The following IL17RA variants were observed in gnomAD, a reference collection of about 807,000 sequenced individuals.
The protein encoded by IL17RA is interleukin 17 receptor A.
In IL17RA, 34 loss-of-function variants were observed where a neutral mutation model predicts 50.4. The ratio of observed to expected loss-of-function variants is 0.67; its 90% CI spans 0.51 to 0.90. IL17RA has a LOEUF of 0.90. Among genes scored for constraint, IL17RA ranks in the 40% least tolerant of loss-of-function variants. IL17RA has a pLI of 0.00. For synonymous variants in IL17RA, 585 were observed against 510.4 expected, an observed-to-expected ratio of 1.15 and a Z score of -1.97; for missense variants, 1,276 against 1,169.8, an observed-to-expected ratio of 1.09 and a Z score of -1.32.
intron 11 of IL17RA, among the ~76,000 whole-genome samples, chr22:17,106,772 G>T (rs1267153811): frequency 6.6e-6 from 1 of 152,206 alleles, no homozygotes; most frequent in African/African-American, 2.4e-5. Context: ...AGGCATGGGA[G>T]GACCTATGGG....
intron 7 of IL17RA, 105 bp downstream of exon 7, chr22:17,102,407 C>T (rs1354000965): frequency 3.4e-5 from 42 of 1,227,492 alleles, no homozygotes; most frequent in Middle Eastern, 2.3e-4. Context: ...TAGAAGCTCG[C>T]GACTCAGGGC....
chr22:17,094,587 G>T (rs549658083), intron 1 of IL17RA, among the ~76,000 whole-genome samples: 1 of 142,514 alleles, frequency 7.0e-6, no homozygotes, highest in African/African-American at 2.6e-5. Flanking sequence ...CTGCTTGTGT[G>T]CCCTTTGCCC....
intron 1 of IL17RA, among the ~76,000 whole-genome samples, chr22:17,088,589 G>A (rs187676797): frequency 1.3e-5 from 2 of 151,942 alleles, no homozygotes; most frequent in Admixed American, 6.6e-5. Flanking sequence ...AGGTTTGAGC[G>A]ATTCTTCTGC....
chr22:17,098,639 C>G (rs2061377651), intron 3 of IL17RA, 136 bp from the exon 4 acceptor site: 1 of 725,868 alleles, frequency 1.4e-6, no homozygotes, highest in Admixed American at 2.0e-5. Context: ...CTGAAAGGAA[C>G]AGGATGTGGA....
At chr22:17,092,556 A>G (rs546214192) in intron 1 of IL17RA, among the ~76,000 whole-genome samples, 1 of 152,176 alleles carries the variant, frequency 6.6e-6, no homozygotes, top group African/African-American at 2.4e-5. Flanking sequence ...CTGCTGCCGA[A>G]TTGATTGCTT....
intron 8 of IL17RA, among the ~76,000 whole-genome samples, chr22:17,103,787 A>AGT (rs72290119): frequency 1.6e-5 from 2 of 128,054 alleles, no homozygotes; most frequent in South Asian, 2.6e-4. Context: ...ACAGGTGGAG[A>AGT]GTGGTGTGGA....
chr22:17,098,074 C>T (rs564517857), intron 3 of IL17RA, 131 bp downstream of exon 3: 158 of 1,038,192 alleles, frequency 1.5e-4, no homozygotes, highest in Middle Eastern at 2.2e-4. Context: ...TATAAGGATC[C>T]GTCATTTCAT....
chr22:17,092,401 G>A (rs991489915), intron 1 of IL17RA, among the ~76,000 whole-genome samples: 7 of 152,182 alleles, frequency 4.6e-5, no homozygotes, highest in East Asian at 1.9e-4. Context: ...CGTTGAACCC[G>A]GTTGGTCTTA....
intron 9 of IL17RA, among the ~76,000 whole-genome samples, chr22:17,105,194 C>T (rs533534367): frequency 1.3e-5 from 2 of 152,200 alleles, no homozygotes; most frequent in East Asian, 3.9e-4. Context: ...GTAGAGGATC[C>T]CCCCACCCCA....
chr22:17,103,618 G>A, intron 8 of IL17RA, 41 bp downstream of exon 8: 6 of 1,503,908 alleles, frequency 4.0e-6, no homozygotes, highest in Non-Finnish European at 5.5e-6. Flanking sequence ...GAGCAAAACA[G>A]GTGGCAATTA....
At chr22:17,108,083 C>T (rs558738329) in intron 12 of IL17RA, among the ~76,000 whole-genome samples, 2 of 152,328 alleles carry the variant, frequency 1.3e-5, no homozygotes, top group Admixed American at 1.3e-4. Context: ...CAGCTAGGAA[C>T]GTTGAGAGAT....
rs2061413372 is a variant in IL17RA, at chr22:17,105,972, G to A, written c.1045+18G>A. 6.2e-7 allele frequency: 1 copy of A among 1,602,862 alleles called. No individual in the cohort carries two copies. The highest frequency in any genetic ancestry group is 8.5e-7 in the Non-Finnish European group (1 of 1,170,460). ...GCTAGCTGGTAAGCGCTGGGGCTCT[G>A]GCTGTCCTGGAGTCAGGCTCTAATA... On this transcript the variant is annotated intron_variant, in intron 11 of 12. Transcript: ENST00000319363.
In IL17RA at chr22:17,108,451, C is replaced by T. The variant is rs151166583; in HGVS notation, c.1232C>T (p.Ala411Val). ...CTCACCGCCTGCGGCACGGAAGTGG[C>T]CCTGGACCTGCTGGAAGAGCAGGCC... is the stretch of plus-strand genomic sequence containing the variant. ...FLLTACGTEVALDLLEEQAIS... is the reference protein window; with the variant it reads ...FLLTACGTEVVLDLLEEQAIS... The change falls in exon 13 of 13, where the codon GCC becomes GTC. Residue 411 changes from alanine to valine, a missense_variant. Physicochemically the swap from Ala to Val is moderately conservative, Grantham distance 64. Transcript: ENST00000319363. 193 of 1,613,898 alleles carry T rather than the reference C, an allele frequency of 1.2e-4. 1 individual carries two copies. In the African/African-American group the frequency reaches 2.3e-3, roughly 19 times the overall value.
chr22:17,097,885 C>T lies in IL17RA; in HGVS notation c.252C>T (p.His84=), dbSNP rs761062684. 4 of 1,614,240 alleles carry T rather than the reference C, an allele frequency of 2.5e-6. No individual in the cohort carries two copies. The highest frequency in any genetic ancestry group is 2.2e-5 in the South Asian group (2 of 91,088). The part of the protein sequence containing the change: ...KDLQIQLHFA[H]TQQGDLFPVA... ...TGCAGATCCAGCTGCACTTTGCCCA[C>T]ACCCAACAAGGAGACCTGTTCCCCG... is the stretch of plus-strand genomic sequence containing the variant. The change falls in exon 3 of 13, where the codon CAC becomes CAT. Residue 84 remains histidine (H), a synonymous_variant. Coordinates refer to ENST00000319363, the MANE Select transcript of IL17RA (RefSeq NM_014339.7).
intron 1 of IL17RA, among the ~76,000 whole-genome samples, chr22:17,085,587 A>T (rs13058155): frequency 6.6e-6 from 1 of 152,104 alleles, no homozygotes; most frequent in East Asian, 1.9e-4. Flanking sequence ...GCCAGGGCTG[A>T]TAGAAAGGGG....
intron 1 of IL17RA, among the ~76,000 whole-genome samples, chr22:17,093,235 G>A (rs767478603): frequency 9.2e-5 from 14 of 152,164 alleles, no homozygotes; most frequent in Non-Finnish European, 1.2e-4. Flanking sequence ...ATTGAACATT[G>A]GACTTCACTG....
chr22:17,101,845 G>A (rs2061392518), intron 5 of IL17RA, 151 bp from the exon 6 acceptor site: 1 of 873,088 alleles, frequency 1.1e-6, no homozygotes, highest in Admixed American at 2.0e-5. Context: ...CCCATGCCAA[G>A]GTGGGTCCAG....
chr22:17,088,334 A>G (rs2061335428), intron 1 of IL17RA, among the ~76,000 whole-genome samples: 1 of 150,786 alleles, frequency 6.6e-6, no homozygotes, highest in Admixed American at 6.6e-5. Context: ...ATTTATTTAT[A>G]TTTTGAGAGA....
At chr22:17,107,191 G>A (rs1180981962) in intron 11 of IL17RA, among the ~76,000 whole-genome samples, 2 of 152,152 alleles carry the variant, frequency 1.3e-5, no homozygotes, top group Non-Finnish European at 2.9e-5. Flanking sequence ...CAGCCTGGTG[G>A]GGCTGCTTCT....
Sources: allele counts gnomAD v4.1 joint callset (sites outside exome capture counted in the v4.1 genomes callset), GRCh38; gene constraint gnomAD v4.1.1; transcripts MANE v1.5; gene names NCBI Gene and HGNC (gene_info 2026-07-23, HGNC 2026-07-21).